The following MAP2K1 variants were observed in gnomAD, a reference collection of about 807,000 sequenced individuals.
MAP2K1 encodes dual specificity mitogen-activated protein kinase kinase 1.
Under a neutral mutation model 46.3 loss-of-function variants are expected in MAP2K1, and 16 were observed. The ratio of observed to expected loss-of-function variants is 0.35; its 90% confidence interval spans 0.23 to 0.52. The LOEUF (loss-of-function observed/expected upper bound fraction) is 0.52. MAP2K1 is among the 20% of genes least tolerant of loss of function. The pLI is 0.94. For missense variants in MAP2K1, 263 were observed against 497.1 expected (o/e 0.53, Z 4.48); for synonymous variants, 183 against 185.6 (o/e 0.99, Z 0.11).
intron 5 of MAP2K1, among the ~76,000 whole-genome samples, chr15:66,461,343 G>T (rs1421342891): frequency 6.6e-6 from 1 of 151,908 alleles, no homozygotes; most frequent in Admixed American, 6.6e-5. Context: ...AAATTAGCCG[G>T]GTGTGGTGGT....
At chr15:66,463,160 G>C (rs1892372287) in intron 5 of MAP2K1, among the ~76,000 whole-genome samples, 1 of 152,126 alleles carries the variant, frequency 6.6e-6, no homozygotes, top group Non-Finnish European at 1.5e-5. Flanking sequence ...AGTGAAGGGA[G>C]GTAATTAGGG....
intron 1 of MAP2K1, among the ~76,000 whole-genome samples, chr15:66,432,262 T>C (rs930939011): frequency 3.3e-5 from 5 of 152,136 alleles, no homozygotes; most frequent in Non-Finnish European, 5.9e-5. Context: ...TTGTCATTTC[T>C]CTCACTGGCC....
chr15:66,479,092 G>A (rs1477241272), intron 5 of MAP2K1, among the ~76,000 whole-genome samples: 2 of 151,664 alleles, frequency 1.3e-5, no homozygotes, highest in Non-Finnish European at 2.9e-5. Context: ...TTGGGCCTTA[G>A]CCTTCTTTTT....
intron 5 of MAP2K1, among the ~76,000 whole-genome samples, chr15:66,477,320 G>A (rs1892775922): frequency 6.6e-6 from 1 of 152,140 alleles, no homozygotes; most frequent in Admixed American, 6.5e-5. Context: ...TCTGAAGAGA[G>A]GTGTCTGAGC....
At chr15:66,489,999 G>C in intron 10 of MAP2K1, 1 of 599,520 alleles carries the variant, frequency 1.7e-6, no homozygotes, top group African/African-American at 1.9e-5. Flanking sequence ...GCCTGAGGGG[G>C]CCATGGGAAA....
chr15:66,446,727 C>T, intron 5 of MAP2K1: 1 of 344,544 alleles, frequency 2.9e-6, no homozygotes, highest in Non-Finnish European at 6.1e-6. Flanking sequence ...CCCATTGGTT[C>T]CGGATACCCT....
Position 66,397,365 on chromosome 15 carries a change from C to T in MAP2K1, c.80+9938C>T, listed in dbSNP as rs115030748. On this transcript the variant is annotated intron_variant, in intron 1 of 10. Coordinates refer to ENST00000307102, the MANE Select transcript of MAP2K1 (RefSeq NM_002755.4). Reference sequence around the variant, plus strand: ...CTTAACCTCACTGAGCCTAGTTTTCCTCATTAGTAGAGTAAGGCTGGTAAT... The same window carrying T: ...CTTAACCTCACTGAGCCTAGTTTTCTTCATTAGTAGAGTAAGGCTGGTAAT... Among the ~76,000 whole-genome samples, 288 of 152,140 alleles carry T rather than the reference C, an allele frequency of 1.9e-3. 1 individual carries two copies. Among genetic ancestry groups the T allele is most frequent in the African/African-American group, 6.6e-3 (272 of 41,500 alleles).
chr15:66,488,366 G>A (rs1403106011), intron 8 of MAP2K1, among the ~76,000 whole-genome samples: 2 of 152,202 alleles, frequency 1.3e-5, no homozygotes, highest in Non-Finnish European at 2.9e-5. Context: ...ACTAGGTTGG[G>A]CTTTGTGGTG....
At chr15:66,436,195 C>G (rs961488342) in intron 2 of MAP2K1, among the ~76,000 whole-genome samples, 14 of 152,350 alleles carry the variant, frequency 9.2e-5, no homozygotes, top group African/African-American at 2.6e-4. Flanking sequence ...TTCTCTGACA[C>G]TCGCTGTCTG....
At chr15:66,433,272 A>C (rs1424455920) in intron 1 of MAP2K1, among the ~76,000 whole-genome samples, 2 of 152,184 alleles carry the variant, frequency 1.3e-5, no homozygotes, top group Non-Finnish European at 2.9e-5. Context: ...AATATTGAGT[A>C]GCTGCCTCAG....
chr15:66,402,176 T>C (rs1051265892), intron 1 of MAP2K1, among the ~76,000 whole-genome samples: 17 of 152,254 alleles, frequency 1.1e-4, no homozygotes, highest in African/African-American at 3.4e-4. Context: ...CTGGGCATTA[T>C]GTATAGCATA....
chr15:66,489,560 C>T, intron 9 of MAP2K1, 158 bp from the exon 10 acceptor site: 1 of 752,808 alleles, frequency 1.3e-6, no homozygotes, highest in Non-Finnish European at 2.4e-6. Flanking sequence ...AATGTATTAA[C>T]TTACTGTGGG....
intron 1 of MAP2K1, among the ~76,000 whole-genome samples, chr15:66,431,697 GTTTTTA>G (rs1324778999): frequency 1.3e-5 from 2 of 152,084 alleles, no homozygotes; most frequent in Non-Finnish European, 2.9e-5. Context: ...TTTTTTTGTT[GTTTTTA>G]TTTTTAAGTT....
intron 5 of MAP2K1, among the ~76,000 whole-genome samples, chr15:66,447,704 T>G (rs1235037335): frequency 7.4e-6 from 1 of 135,434 alleles, no homozygotes; most frequent in Non-Finnish European, 1.7e-5. Flanking sequence ...AAAAAAAAGT[T>G]TAATTGTAAA....
chr15:66,391,768 T>C (rs1472851177), intron 1 of MAP2K1, among the ~76,000 whole-genome samples: 1 of 152,220 alleles, frequency 6.6e-6, no homozygotes, highest in Non-Finnish European at 1.5e-5. Context: ...CATTTTCTTT[T>C]GTTTTAGTCA....
intron 1 of MAP2K1, among the ~76,000 whole-genome samples, chr15:66,409,840 A>AT (rs1456356269): frequency 3.3e-5 from 5 of 152,154 alleles, no homozygotes; most frequent in Non-Finnish European, 7.4e-5. Context: ...CCAGGATAGA[A>AT]TTACATTGTG....
intron 5 of MAP2K1, among the ~76,000 whole-genome samples, chr15:66,481,325 G>A (rs1002869396): frequency 2.0e-5 from 3 of 152,196 alleles, no homozygotes; most frequent in African/African-American, 7.2e-5. Context: ...TCTAGCCTGT[G>A]TAGCCTCAGC....
chr15:66,430,646 T>C (rs185232502), intron 1 of MAP2K1, among the ~76,000 whole-genome samples: 3 of 152,316 alleles, frequency 2.0e-5, no homozygotes, highest in Admixed American at 2.0e-4. Flanking sequence ...TGTGAACTTG[T>C]CCCTTTGGGC....
At position 66,447,210 on chromosome 15, in the gene MAP2K1, AT is replaced by A. The variant is rs113189634; in HGVS notation, c.568+2517del. On this transcript the variant is annotated intron_variant, in intron 5 of 10. Transcript: ENST00000307102. Reference sequence around the variant, plus strand: ...TTTGACATGGCTGACTCCTGGATGCATTTTTTTTTTTTTTGACGTCCCCCTT... The same window carrying A: ...TTTGACATGGCTGACTCCTGGATGCATTTTTTTTTTTTTGACGTCCCCCTT... 8.4e-3 allele frequency among the ~76,000 whole-genome samples: 1,188 copies of A among 141,672 alleles called. 3 individuals are homozygous for A. The highest frequency in any genetic ancestry group is 8.2e-3 in the African/African-American group (316 of 38,732). The allele number at this position is 141,672 out of a possible 152,430, so 92.9% of individuals were successfully genotyped here. A position where few individuals can be genotyped will look rare whatever the true frequency, so the allele number is the denominator to read the frequency against.
Sources: gnomAD v4.1 joint callset for allele counts (sites outside exome capture counted in the v4.1 genomes callset) on GRCh38, gnomAD v4.1.1 for gene constraint, MANE v1.5 for transcripts, NCBI Gene and HGNC (gene_info 2026-07-23, HGNC 2026-07-21) for gene names.